Variants in KLHL29 observed in about 807,000 individuals in gnomAD.
KLHL29 encodes kelch like family member 29, also known as kelch-like protein 29.
In KLHL29, 21 loss-of-function variants were observed where a neutral mutation model predicts 80.4. The observed-to-expected ratio is 0.26, with a 90% CI of 0.19 to 0.38. KLHL29 has a LOEUF of 0.38. Ranked by LOEUF, KLHL29 falls within the 10% of genes least tolerant of loss-of-function variation. The pLI, the probability that KLHL29 is intolerant of heterozygous loss-of-function variation, is 1.00. For synonymous variants in KLHL29, 511 were observed against 526.8 expected (o/e 0.97, Z 0.41); for missense variants, 867 against 1,223.9 (o/e 0.71, Z 4.35).
intron 2 of KLHL29, among the ~76,000 whole-genome samples, chr2:23,492,364 C>T (rs6722920): frequency 0.3 from 45,688 of 152,130 alleles, 7,855 homozygotes; most frequent in East Asian, 0.41. Context: ...TCTGTTAGAC[C>T]GGTTTGGGGC....
chr2:23,650,451 C>G (rs564109396), intron 5 of KLHL29, among the ~76,000 whole-genome samples: 6 of 152,326 alleles, frequency 3.9e-5, no homozygotes, highest in Admixed American at 1.3e-4. Context: ...AGCCATCCCT[C>G]TCTCTCAATG....
intron 2 of KLHL29, among the ~76,000 whole-genome samples, chr2:23,554,092 C>A (rs538807344): frequency 3.2e-4 from 49 of 152,284 alleles, no homozygotes; most frequent in African/African-American, 1.2e-3. Flanking sequence ...CTGGAGCAGC[C>A]CCAGGAGGCA....
At chr2:23,480,391 G>C (rs1252406051) in intron 2 of KLHL29, among the ~76,000 whole-genome samples, 4 of 152,184 alleles carry the variant, frequency 2.6e-5, no homozygotes, top group African/African-American at 9.7e-5. Context: ...GGAGGCTGAG[G>C]CAGGAGAGTT....
At chr2:23,484,158 C>T (rs181039627) in intron 2 of KLHL29, among the ~76,000 whole-genome samples, 5 of 152,316 alleles carry the variant, frequency 3.3e-5, no homozygotes, top group Non-Finnish European at 7.4e-5. Context: ...ACAGAATGAC[C>T]ATCGCAGGCT....
chr2:23,481,330 C>A (rs1312119996), intron 2 of KLHL29, among the ~76,000 whole-genome samples: 1 of 152,238 alleles, frequency 6.6e-6, no homozygotes, highest in Admixed American at 6.5e-5. Context: ...CCTGCTCCTA[C>A]ACTTGTGATT....
rs1054549266 is a variant in KLHL29 at position 23,695,380 on chromosome 2, T to C, written c.1543-243T>C. ...GGGGATGAACACATGCTCCCACTCC[T>C]GCAGGGCTGGCTGCAGCCTGCCAGC... is the stretch of plus-strand genomic sequence containing the variant. On this transcript the variant is annotated intron_variant, in intron 8 of 13. Coordinates refer to ENST00000486442, the MANE Select transcript of KLHL29 (RefSeq NM_052920.2). The surrounding 1 kb of genome is among the most constrained non-coding windows in gnomAD (Gnocchi z 7.6). Among the ~76,000 whole-genome samples, 1 of 152,100 alleles carries C rather than the reference T, an allele frequency of 6.6e-6. No homozygotes were observed. Among genetic ancestry groups the C allele is most frequent in the Non-Finnish European group, 1.5e-5 (1 of 67,986 alleles).
At chr2:23,479,636 C>G (rs1027996183) in intron 2 of KLHL29, among the ~76,000 whole-genome samples, 3 of 152,176 alleles carry the variant, frequency 2.0e-5, no homozygotes, top group Admixed American at 2.0e-4. Flanking sequence ...TCTCCAGTGG[C>G]TCATGCGTAG....
At chr2:23,516,067 G>T (rs1326051961) in intron 2 of KLHL29, among the ~76,000 whole-genome samples, 1 of 152,172 alleles carries the variant, frequency 6.6e-6, no homozygotes, top group South Asian at 2.1e-4. Flanking sequence ...GGACAGCAGG[G>T]TCCCCTCTCC....
intron 3 of KLHL29, among the ~76,000 whole-genome samples, chr2:23,638,767 A>G (rs1022874106): frequency 2.0e-5 from 3 of 152,194 alleles, no homozygotes; most frequent in African/African-American, 4.8e-5. Flanking sequence ...AGTTGGTAGC[A>G]TCTGTGTGGT....
At chr2:23,704,716 G>A (rs950574328) in intron 13 of KLHL29, among the ~76,000 whole-genome samples, 12 of 152,190 alleles carry the variant, frequency 7.9e-5, no homozygotes, top group Admixed American at 6.5e-4. Context: ...GCAGTGAGCC[G>A]AGATCGCGCC....
At chr2:23,432,290 C>T (rs888732140) in intron 1 of KLHL29, among the ~76,000 whole-genome samples, 1 of 152,224 alleles carries the variant, frequency 6.6e-6, no homozygotes, top group Non-Finnish European at 1.5e-5. Flanking sequence ...CATTGATTGA[C>T]ATAATCTGCC....
chr2:23,464,101 T>A (rs1428534034), intron 1 of KLHL29, among the ~76,000 whole-genome samples: 1 of 152,222 alleles, frequency 6.6e-6, no homozygotes, highest in East Asian at 1.9e-4. Flanking sequence ...AATAATGCAA[T>A]TTCCATGCAA....
intron 1 of KLHL29, among the ~76,000 whole-genome samples, chr2:23,392,363 T>C (rs1325526951): frequency 1.3e-5 from 2 of 152,240 alleles, no homozygotes; most frequent in African/African-American, 4.8e-5. Flanking sequence ...ACAATTCCAA[T>C]AGTTAAAAAT....
At chr2:23,422,255 CTG>C (rs1172956401) in intron 1 of KLHL29, among the ~76,000 whole-genome samples, 1 of 150,276 alleles carries the variant, frequency 6.7e-6, no homozygotes, top group Non-Finnish European at 1.5e-5. Context: ...GTTCATGTGT[CTG>C]TGTCTGTGTG....
chr2:23,551,293 A>G (rs995279543), intron 2 of KLHL29, among the ~76,000 whole-genome samples: 1 of 152,194 alleles, frequency 6.6e-6, no homozygotes, highest in African/African-American at 2.4e-5. Context: ...AATAGCACAA[A>G]TGCCTAGTCA....
At chr2:23,400,217 C>A (rs1666565335) in intron 1 of KLHL29, among the ~76,000 whole-genome samples, 1 of 152,198 alleles carries the variant, frequency 6.6e-6, no homozygotes, top group African/African-American at 2.4e-5. Context: ...TGATCAGATA[C>A]CCAAGGGGGC....
chr2:23,684,563 G>A lies in KLHL29; in HGVS notation c.1079+26G>A, dbSNP rs575801666. ...GTTTGCCTTCCTTCCAGCTGTGGTC[G>A]GGTCTGTTCCTTTGTAGGACGCTTT... On this transcript the variant is annotated intron_variant, in intron 6 of 13. Coordinates refer to ENST00000486442, the MANE Select transcript of KLHL29 (RefSeq NM_052920.2). This position sits in a 1 kb window ranked among gnomAD's most constrained non-coding sequence, Gnocchi z 4.4. 2.6e-5 allele frequency: 39 copies of A among 1,527,152 alleles called. No homozygotes were observed. The highest frequency in any genetic ancestry group is 4.5e-5 in the Admixed American group (2 of 44,730). 94.6% of individuals were successfully genotyped at this position (1,527,152 alleles called of 1,614,324 possible). A position where few individuals can be genotyped will look rare whatever the true frequency, so the allele number is the denominator to read the frequency against.
chr2:23,691,257 G>T lies in KLHL29; in HGVS notation c.1080-417G>T, dbSNP rs540857285. ...TCACAGCCAGTTGGGAGCCTCCCAA[G>T]CCTGGGTCACGTTGGAGAATCTGCC... is the stretch of plus-strand genomic sequence containing the variant. On this transcript the variant is annotated intron_variant, in intron 6 of 13. Transcript: ENST00000486442. The T allele has an allele frequency of 1.6e-5, 4 of 254,996 alleles. No individual in the cohort carries two copies. The South Asian group carries it at 2.0e-4, about 13-fold the overall frequency. The allele number at this position is 254,996 out of a possible 1,614,324, so 15.8% of individuals were successfully genotyped here.
Position 23,706,475 on chromosome 2 carries a change from C to A in KLHL29, c.2445-6C>A, listed in dbSNP as rs765723828. On this transcript the variant is annotated splice_polypyrimidine_tract_variant and splice_region_variant and intron_variant, in intron 13 of 13. Transcript: ENST00000486442. ...GCCTAACTCTGTCCCCGCTTTCCCC[C>A]AACAGTGCTGTGGTGCTTGATGGCA... is the stretch of plus-strand genomic sequence containing the variant. 2 of 1,490,318 alleles carry A rather than the reference C, an allele frequency of 1.3e-6. No homozygotes were observed. The highest frequency in any genetic ancestry group is 1.8e-6 in the Non-Finnish European group (2 of 1,122,418). 92.3% of individuals were successfully genotyped at this position (1,490,318 alleles called of 1,614,324 possible). A position where few individuals can be genotyped will look rare whatever the true frequency, so the allele number is the denominator to read the frequency against.
Sources: gnomAD v4.1 joint callset for allele counts (sites outside exome capture counted in the v4.1 genomes callset) on GRCh38, gnomAD v4.1.1 for gene constraint, Gnocchi (gnomAD v3.1) non-coding constraint, MANE v1.5 for transcripts, NCBI Gene and HGNC (gene_info 2026-07-23, HGNC 2026-07-21) for gene names.